The following IL1RAPL2 variants were observed in gnomAD, a reference collection of about 807,000 sequenced individuals.
IL1RAPL2 encodes X-linked interleukin-1 receptor accessory protein-like 2.
In IL1RAPL2, 3 loss-of-function variants were observed where a neutral mutation model predicts 44.1. The observed-to-expected ratio is 0.07, with a 90% CI of 0.03 to 0.18. The LOEUF (loss-of-function observed/expected upper bound fraction) is 0.18. Among genes scored for constraint, IL1RAPL2 ranks in the 10% least tolerant of loss-of-function variants. IL1RAPL2 has a pLI of 1.00. For synonymous variants in IL1RAPL2, 181 were observed against 178.8 expected (o/e 1.01, Z -0.10); for missense variants, 391 against 496.4 (o/e 0.79, Z 2.02).
intron 6 of IL1RAPL2, among the ~76,000 whole-genome samples, chrX:105,564,114 G>A (rs906953597): frequency 1.8e-5 from 2 of 111,353 alleles, no homozygotes; most frequent in Non-Finnish European, 3.8e-5. Flanking sequence ...GGGCAGAAGA[G>A]GCAAACAAGT....
intron 5 of IL1RAPL2, among the ~76,000 whole-genome samples, chrX:105,319,863 A>C (rs1204837359): frequency 8.9e-6 from 1 of 111,810 alleles, no homozygotes; most frequent in East Asian, 2.8e-4. Context: ...TGGCAGTTTT[A>C]ATAGGCGATC....
intron 2 of IL1RAPL2, among the ~76,000 whole-genome samples, chrX:104,821,277 C>T (rs1243553670): frequency 9.1e-6 from 1 of 110,327 alleles, no homozygotes; most frequent in Non-Finnish European, 1.9e-5. Flanking sequence ...TTAAGTTCCG[C>T]GATACATGCG....
chrX:105,446,950 C>T (rs1328064313), intron 5 of IL1RAPL2, among the ~76,000 whole-genome samples: 1 of 100,713 alleles, frequency 9.9e-6, no homozygotes, highest in Admixed American at 1.2e-4. Context: ...TTGAGGAACT[C>T]CCTTTAACAT....
intron 5 of IL1RAPL2, among the ~76,000 whole-genome samples, chrX:105,306,936 G>T (rs1332796764): frequency 9.0e-6 from 1 of 111,269 alleles, no homozygotes; most frequent in Non-Finnish European, 1.9e-5. Flanking sequence ...TCACAGTTCC[G>T]CATGGCTGGG....
rs779173856 is a variant in IL1RAPL2 at position 105,541,407 on chromosome X, T to C, written c.772+57020T>C. Reference sequence around the variant, plus strand: ...GTGGAAAAGTACAGATAGATTATCCTTGAAGAAAAGGAGAGTAAGTGGAAA... The same window carrying C: ...GTGGAAAAGTACAGATAGATTATCCCTGAAGAAAAGGAGAGTAAGTGGAAA... On this transcript the variant is annotated intron_variant, in intron 6 of 10. Coordinates refer to ENST00000372582, the MANE Select transcript of IL1RAPL2 (RefSeq NM_017416.2). Among the ~76,000 whole-genome samples, 6 of 111,244 alleles carry C rather than the reference T, an allele frequency of 5.4e-5. No homozygotes were observed. The East Asian group carries it at 1.7e-3, about 32-fold the overall frequency.
intron 1 of IL1RAPL2, among the ~76,000 whole-genome samples, chrX:104,657,897 C>G (rs771011498): frequency 9.8e-5 from 11 of 112,198 alleles, no homozygotes; most frequent in African/African-American, 3.6e-4. Flanking sequence ...CAGAGAAATG[C>G]AAATCAAAAC....
intron 2 of IL1RAPL2, among the ~76,000 whole-genome samples, chrX:104,902,720 T>C (rs773548381): frequency 1.1e-4 from 12 of 112,086 alleles, no homozygotes; most frequent in Middle Eastern, 4.6e-3. Flanking sequence ...ATATAACTAG[T>C]GTTATAGGTA....
intron 5 of IL1RAPL2, among the ~76,000 whole-genome samples, chrX:105,404,195 T>C (rs1023239954): frequency 3.6e-5 from 4 of 111,804 alleles, no homozygotes; most frequent in African/African-American, 1.3e-4. Context: ...CACAGAGATG[T>C]GAGCCCACCT....
chrX:105,672,556 A>G (rs1638885351), intron 6 of IL1RAPL2, among the ~76,000 whole-genome samples: 1 of 112,680 alleles, frequency 8.9e-6, no homozygotes. Context: ...GAGTCGGGGT[A>G]GAAGTCCAGA....
chrX:105,733,306 T>C (rs1451122872), intron 7 of IL1RAPL2, among the ~76,000 whole-genome samples: 1 of 111,593 alleles, frequency 9.0e-6, no homozygotes, highest in African/African-American at 3.2e-5. Context: ...CAAGATTTTG[T>C]CTTTAATTTT....
At chrX:104,971,256 G>A (rs1259247125) in intron 2 of IL1RAPL2, among the ~76,000 whole-genome samples, 1 of 111,220 alleles carries the variant, frequency 9.0e-6, no homozygotes, top group Non-Finnish European at 1.9e-5. Context: ...GCTGAGACAA[G>A]AGAATTGCTT....
intron 2 of IL1RAPL2, among the ~76,000 whole-genome samples, chrX:104,923,998 A>C (rs1474128355): frequency 2.8e-5 from 3 of 108,685 alleles, no homozygotes. Context: ...AAATGAGAGA[A>C]GGGGTAGCCA....
At chrX:105,156,948 C>G (rs1017424272) in intron 2 of IL1RAPL2, among the ~76,000 whole-genome samples, 1 of 110,035 alleles carries the variant, frequency 9.1e-6, no homozygotes, top group Admixed American at 9.7e-5. Context: ...TATATTAGAG[C>G]CCTGAATTCC....
At chrX:105,497,310 C>G (rs1223023021) in intron 6 of IL1RAPL2, among the ~76,000 whole-genome samples, 1 of 110,711 alleles carries the variant, frequency 9.0e-6, no homozygotes, top group Non-Finnish European at 1.9e-5. Context: ...TAGATACATA[C>G]AACCTACCAA....
At position 105,384,071 on chromosome X, in the gene IL1RAPL2, T is replaced by C. The variant is rs750326791; in HGVS notation, c.698-100242T>C. ...CATTTTGTAGGTTGTCTCTTTACAT[T>C]GTCAATTGTTTCTTTTGCTGTGCAG... On this transcript the variant is annotated intron_variant, in intron 5 of 10. Coordinates refer to ENST00000372582, the MANE Select transcript of IL1RAPL2 (RefSeq NM_017416.2). Among the ~76,000 whole-genome samples the C allele has an allele frequency of 3.6e-5, 4 of 111,724 alleles. No homozygotes were observed. In the East Asian group the frequency reaches 1.1e-3, roughly 31 times the overall value.
chrX:105,689,769 G>T (rs934986899), intron 6 of IL1RAPL2, among the ~76,000 whole-genome samples: 5 of 112,055 alleles, frequency 4.5e-5, no homozygotes, highest in Admixed American at 9.5e-5. Flanking sequence ...ACATGCACAC[G>T]TATGTTTACT....
intron 10 of IL1RAPL2, among the ~76,000 whole-genome samples, chrX:105,759,331 T>G (rs2038667436): frequency 9.0e-6 from 1 of 111,405 alleles, no homozygotes; most frequent in South Asian, 3.8e-4. Context: ...TAAACCAGTT[T>G]TGGATGAAGC....
intron 2 of IL1RAPL2, among the ~76,000 whole-genome samples, chrX:104,903,614 G>A (rs753940923): frequency 9.0e-6 from 1 of 111,113 alleles, no homozygotes; most frequent in Admixed American, 9.6e-5. Context: ...GTCTGACTCT[G>A]TTGCCCAGGC....
At chrX:105,146,698 T>C (rs1287111451) in intron 2 of IL1RAPL2, among the ~76,000 whole-genome samples, 8 of 110,920 alleles carry the variant, frequency 7.2e-5, no homozygotes, top group Non-Finnish European at 1.3e-4. Flanking sequence ...ACAGTGACAT[T>C]GGGATTTGCA....
Sources: allele counts gnomAD v4.1 joint callset (sites outside exome capture counted in the v4.1 genomes callset), GRCh38; gene constraint gnomAD v4.1.1; transcripts MANE v1.5; gene names NCBI Gene and HGNC (gene_info 2026-07-23, HGNC 2026-07-21).